Variants in HAS1 observed in about 807,000 individuals in gnomAD.
HAS1 encodes hyaluronan synthase 1.
A neutral mutation model predicts 35.0 loss-of-function variants in HAS1; 27 were observed. The observed-to-expected ratio is 0.77, with a 90% confidence interval of 0.57 to 1.06. HAS1 has a LOEUF of 1.06. Among genes scored for constraint, HAS1 ranks in the 50% least tolerant of loss-of-function variants. The pLI is 0.00. For missense variants in HAS1, 940 were observed against 814.8 expected (o/e 1.15, Z -1.87); for synonymous variants, 409 against 371.2 (o/e 1.10, Z -1.17).
At chr19:51,716,439 C>T in intron 3 of HAS1, 51 bp from the exon 4 acceptor site, 3 of 1,543,962 alleles carry the variant, frequency 1.9e-6, no homozygotes, top group Non-Finnish European at 2.6e-6. Context: ...GTCACCAACA[C>T]CAACTCCAAT....
At position 51,719,583 on chromosome 19, in the gene HAS1, C is replaced by A. The variant is rs906603323; in HGVS notation, c.322G>T (p.Ala108Ser). The A allele has an allele frequency of 4.5e-6, 7 of 1,543,436 alleles. No homozygotes were observed. The South Asian group carries it at 6.0e-5, about 13-fold the overall frequency. Residue 108 changes from alanine (A) to serine (S), a missense_variant, in exon 2 of 5, where the codon GCG becomes TCG. Physicochemically the swap from Ala to Ser is moderately conservative, Grantham distance 99. Transcript: ENST00000540069. ...LTISAYQEDP[A>S]YLRQCLASAR... ...GACGCCAGGCACTGGCGCAGGTACG[C>A]GGGGTCCTCCTGGTAGGCGGAGATG...
chr19:51,721,882 C>T (rs964090462), intron 1 of HAS1, among the ~76,000 whole-genome samples: 4 of 152,108 alleles, frequency 2.6e-5, no homozygotes, highest in Non-Finnish European at 2.9e-5. Context: ...GGATTATAGG[C>T]GTGAGCTACT....
In HAS1 at chr19:51,717,083, G is replaced by A. The variant is rs752261227; in HGVS notation, c.810C>T (p.Asn270=). The A allele has an allele frequency of 1.2e-6, 2 of 1,613,886 alleles. No individual in the cohort carries two copies. The highest frequency in any genetic ancestry group is 1.7e-6 in the Non-Finnish European group (2 of 1,179,934). The change falls in exon 3 of 5, where the codon AAC becomes AAT. Residue 270 remains asparagine, a synonymous_variant. Transcript: ENST00000540069. ...GGAAGCTGACCCAGGAGTCCAGAGGGTTAAGGATCCGCACGTCCCCACCAA... is the reference window on the plus strand; with the variant it reads ...GGAAGCTGACCCAGGAGTCCAGAGGATTAAGGATCCGCACGTCCCCACCAA... ...GAVGGDVRIL[N]PLDSWVSFLS... is the part of the protein sequence containing the mutation.
chr19:51,719,403 G>A lies in HAS1; in HGVS notation c.502C>T (p.Pro168Ser). Residue 168 changes from proline to serine, a missense_variant, in exon 2 of 5, where the codon CCC (proline) becomes TCC (serine). Coordinates refer to ENST00000540069, the MANE Select transcript of HAS1 (RefSeq NM_001297436.2). Reference protein sequence around the residue: ...TYVWDGNYHQPWEPAAAGAVG... With the variant: ...TYVWDGNYHQSWEPAAAGAVG... ...GCGCCCGCCGCCGCGGGTTCCCAGGGCTGGTGGTAGTTGCCGTCCCACACG... is the reference window on the plus strand; with the variant it reads ...GCGCCCGCCGCCGCGGGTTCCCAGGACTGGTGGTAGTTGCCGTCCCACACG... 1 of 1,569,822 alleles carries A rather than the reference G, an allele frequency of 6.4e-7. No homozygotes were observed. The highest frequency in any genetic ancestry group is 1.2e-5 in the South Asian group (1 of 86,904).
chr19:51,718,340 A>C (rs1008976049), intron 2 of HAS1, among the ~76,000 whole-genome samples: 3 of 152,196 alleles, frequency 2.0e-5, no homozygotes, highest in African/African-American at 7.2e-5. Context: ...GAGTGGTTGA[A>C]TGAAAGAATC....
At position 51,719,687 on chromosome 19, in the gene HAS1, G is replaced by A; in HGVS notation, c.218C>T (p.Ala73Val). 1 of 1,558,108 alleles carries A rather than the reference G, an allele frequency of 6.4e-7. No homozygotes were observed. Among genetic ancestry groups the A allele is most frequent in the Non-Finnish European group, 8.6e-7 (1 of 1,156,666 alleles). Residue 73 changes from alanine (A) to valine (V), a missense_variant, in exon 2 of 5, where the codon GCG becomes GTG. Coordinates refer to ENST00000540069, the MANE Select transcript of HAS1 (RefSeq NM_001297436.2). The part of the protein sequence containing the change: ...SAHLVAQSLF[A>V]YLEHRRVAAA... ...CGCCACCCGCCGGTGCTCCAGGTACGCGAAGAGGCTCTGCGCCACCAGGTG... is the reference window on the plus strand; with the variant it reads ...CGCCACCCGCCGGTGCTCCAGGTACACGAAGAGGCTCTGCGCCACCAGGTG...
At position 51,719,245 on chromosome 19, in the gene HAS1, T is replaced by C. The variant is rs1218763865; in HGVS notation, c.660A>G (p.Thr220=). 6.3e-7 allele frequency: 1 copy of C among 1,599,684 alleles called. No homozygotes were observed. The highest frequency in any genetic ancestry group is 8.5e-7 in the Non-Finnish European group (1 of 1,173,654). The change falls in exon 2 of 5, where the codon ACA becomes ACG. Residue 220 remains threonine (T), a synonymous_variant. Coordinates refer to ENST00000540069, the MANE Select transcript of HAS1 (RefSeq NM_001297436.2). The part of the protein sequence containing the change: ...RWGGKREVMY[T]AFKALGDSVD... The stretch of plus-strand genomic sequence containing the variant: ...CCGAATCTCCGAGCGCCTTGAAGGC[T>C]GTGTACATGACCTCGCGCTTGCCGC...
At position 51,719,535 on chromosome 19, in the gene HAS1, G is replaced by T. The variant is rs1167931448; in HGVS notation, c.370C>A (p.Arg124Ser). Reference protein sequence around the residue: ...LASARALLYPRARLRVLMVVD... With the variant: ...LASARALLYPSARLRVLMVVD... ...ACCATGAGGACGCGCAGCCGCGCGC[G>T]CGGGTACAGCAGGGCGCGGGCGGAC... Residue 124 changes from arginine to serine, a missense_variant, in exon 2 of 5, where the codon CGC becomes AGC. Arg to Ser is a moderately radical substitution (Grantham distance 110). Transcript: ENST00000540069. 3 of 1,548,584 alleles carry T rather than the reference G, an allele frequency of 1.9e-6. No homozygotes were observed. Among genetic ancestry groups the T allele is most frequent in the Non-Finnish European group, 2.6e-6 (3 of 1,145,960 alleles).
chr19:51,714,180 A>C (rs1371992409), intron 4 of HAS1, 78 bp from the exon 5 acceptor site: 3 of 1,544,306 alleles, frequency 1.9e-6, no homozygotes, highest in Non-Finnish European at 2.6e-6. Context: ...AGAAATGACC[A>C]CTGTGGACGG....
Position 51,713,818 on chromosome 19 carries a change from G to C in HAS1, c.1343C>G (p.Ala448Gly). ...QGVALAKAAF[A>G]AWLRGCLRMV... ...GCGCAGGCAGCCCCGCAGCCAGGCCGCGAAGGCCGCCTTGGCCAGTGCCAC... is the reference window on the plus strand; with the variant it reads ...GCGCAGGCAGCCCCGCAGCCAGGCCCCGAAGGCCGCCTTGGCCAGTGCCAC... The change falls in exon 5 of 5, where the codon GCG becomes GGG. Residue 448 changes from alanine (A) to glycine (G), a missense_variant. Transcript: ENST00000540069. The surrounding 1 kb of genome is among the most constrained non-coding windows in gnomAD (Gnocchi z 4.5). 6.2e-7 allele frequency: 1 copy of C among 1,606,170 alleles called. No individual in the cohort carries two copies. Among genetic ancestry groups the C allele is most frequent in the East Asian group, 2.2e-5 (1 of 44,686 alleles).
intron 1 of HAS1, among the ~76,000 whole-genome samples, chr19:51,722,015 G>T (rs1448781841): frequency 4.6e-5 from 7 of 152,186 alleles, no homozygotes; most frequent in Admixed American, 4.6e-4. Context: ...AATAAGCAGA[G>T]TCAGAAGTAA....
Position 51,713,588 on chromosome 19 carries a change from T to C in HAS1, c.1573A>G (p.Arg525Gly), listed in dbSNP as rs770690454. ...CGGGAAGGGCCGCTCCAGTCGGCCC[T>C]GGCCTCGTGTGCTACGCTGCGGACC... The part of the protein sequence containing the change: ...GLVRSVAHEA[R>G]ADWSGPSRAA... Residue 525 changes from arginine (R) to glycine (G), a missense_variant, in exon 5 of 5, where the codon AGG becomes GGG. Arg to Gly is a moderately radical substitution (Grantham distance 125). Coordinates refer to ENST00000540069, the MANE Select transcript of HAS1 (RefSeq NM_001297436.2). This position sits in a 1 kb window ranked among gnomAD's most constrained non-coding sequence, Gnocchi z 4.5. 8 of 1,558,816 alleles carry C rather than the reference T, an allele frequency of 5.1e-6. No homozygotes were observed. The highest frequency in any genetic ancestry group is 6.9e-6 in the Non-Finnish European group (8 of 1,151,542).
At chr19:51,722,935 C>A (rs754663590) in intron 1 of HAS1, among the ~76,000 whole-genome samples, 19 of 152,156 alleles carry the variant, frequency 1.2e-4, no homozygotes, top group Admixed American at 5.2e-4. Context: ...TTGTGGTTTT[C>A]GTTACATTTC....
Position 51,713,295 on chromosome 19 carries a change from C to A in HAS1, c.*132G>T, listed in dbSNP as rs2083552481. On this transcript the variant is annotated 3_prime_UTR_variant, in exon 5 of 5. Coordinates refer to ENST00000540069, the MANE Select transcript of HAS1 (RefSeq NM_001297436.2). This position sits in a 1 kb window ranked among gnomAD's most constrained non-coding sequence, Gnocchi z 4.5. Reference sequence around the variant, plus strand: ...ATAGTCCAGACTGAAGAATCTTGGGCTGACCCCCTCGTTTTGCAGAGGAGG... The same window carrying A: ...ATAGTCCAGACTGAAGAATCTTGGGATGACCCCCTCGTTTTGCAGAGGAGG... The A allele has an allele frequency of 2.3e-6, 2 of 855,984 alleles. No homozygotes were observed. Among genetic ancestry groups the A allele is most frequent in the Non-Finnish European group, 3.4e-6 (2 of 590,174 alleles). The allele number at this position is 855,984 out of a possible 1,614,324, so 53.0% of individuals were successfully genotyped here.
chr19:51,713,113 AAAAT>A lies in HAS1; in HGVS notation c.*310_*313del, dbSNP rs2083550831. On this transcript the variant is annotated 3_prime_UTR_variant, in exon 5 of 5. Coordinates refer to ENST00000540069, the MANE Select transcript of HAS1 (RefSeq NM_001297436.2). This position sits in a 1 kb window ranked among gnomAD's most constrained non-coding sequence, Gnocchi z 4.5. The stretch of plus-strand genomic sequence containing the variant: ...TTCTCAAAAAGGTGGAGGCTGGGGG[AAAAT>A]AAATAAAATTCTTTATTACATCCTG... 6.6e-6 allele frequency: 2 copies of A among 305,308 alleles called. No individual in the cohort carries two copies. Among genetic ancestry groups the A allele is most frequent in the Non-Finnish European group, 1.2e-5 (2 of 167,586 alleles). 18.9% of individuals were successfully genotyped at this position (305,308 alleles called of 1,614,324 possible). A position where few individuals can be genotyped will look rare whatever the true frequency, so the allele number is the denominator to read the frequency against.
chr19:51,723,843 G>T (rs950582345), intron 1 of HAS1, 82 bp downstream of exon 1: 2 of 1,275,508 alleles, frequency 1.6e-6, no homozygotes, highest in Non-Finnish European at 2.1e-6. Context: ...CCCAACACAC[G>T]TGGTCACACA....
At position 51,713,993 on chromosome 19, in the gene HAS1, C is replaced by T. The variant is rs1279852039; in HGVS notation, c.1168G>A (p.Ala390Thr). 4.3e-6 allele frequency: 7 copies of T among 1,613,788 alleles called. No individual in the cohort carries two copies. Among genetic ancestry groups the T allele is most frequent in the Non-Finnish European group, 5.9e-6 (7 of 1,179,988 alleles). ...GCATGGTGCCGGTGCCACCAGAGCG[C>T]GTTGTACAGCCACTCACGGAAGTAC... ...KSYFREWLYN[A>T]LWWHRHHAWM... Residue 390 changes from alanine to threonine, a missense_variant, in exon 5 of 5, where the codon GCG becomes ACG. By Grantham distance (58) the Ala-to-Thr change is moderately conservative. Transcript: ENST00000540069. The surrounding 1 kb of genome is among the most constrained non-coding windows in gnomAD (Gnocchi z 4.5).
chr19:51,716,746 C>G (rs2083589056), intron 3 of HAS1, among the ~76,000 whole-genome samples: 2 of 152,080 alleles, frequency 1.3e-5, no homozygotes, highest in African/African-American at 4.8e-5. Context: ...CCAGCCCCAG[C>G]CCCAATCGTC....
At chr19:51,721,840 C>A (rs1235417219) in intron 1 of HAS1, among the ~76,000 whole-genome samples, 1 of 152,098 alleles carries the variant, frequency 6.6e-6, no homozygotes, top group South Asian at 2.1e-4. Flanking sequence ...CAGGCTCTAG[C>A]GATCCTCCTG....
Sources: gnomAD v4.1 joint callset for allele counts (sites outside exome capture counted in the v4.1 genomes callset) on GRCh38, gnomAD v4.1.1 for gene constraint, Gnocchi (gnomAD v3.1) non-coding constraint, MANE v1.5 for transcripts, NCBI Gene and HGNC (gene_info 2026-07-23, HGNC 2026-07-21) for gene names.